The following LRP1B variants were observed in gnomAD, a reference collection of about 807,000 sequenced individuals.
LRP1B encodes the protein low-density lipoprotein receptor-related protein 1B.
Under a neutral mutation model 556.6 loss-of-function variants are expected in LRP1B, and 217 were observed. The observed-to-expected ratio is 0.39, with a 90% CI of 0.35 to 0.44. The LOEUF (loss-of-function observed/expected upper bound fraction) is 0.44. LRP1B is among the 20% of genes least tolerant of loss of function. The pLI is 1.00. For missense variants in LRP1B, 5,053 were observed against 5,620.8 expected, an observed-to-expected ratio of 0.90 and a Z score of 3.23; for synonymous variants, 2,047 against 1,865.8, an observed-to-expected ratio of 1.10 and a Z score of -2.50.
intron 1 of LRP1B, among the ~76,000 whole-genome samples, chr2:141,960,541 A>G (rs1043076881): frequency 6.6e-6 from 1 of 151,868 alleles, no homozygotes; most frequent in Non-Finnish European, 1.5e-5. Context: ...CAAAGCATAA[A>G]TGTTTTTCAA....
At chr2:140,269,954 G>A (rs932243085) in intron 86 of LRP1B, among the ~76,000 whole-genome samples, 1 of 151,882 alleles carries the variant, frequency 6.6e-6, no homozygotes, top group Non-Finnish European at 1.5e-5. Context: ...TCAGAATCAG[G>A]TCAATAAAAT....
intron 69 of LRP1B, 120 bp from the exon 70 acceptor site, chr2:140,371,405 T>A (rs1158926602): frequency 1.6e-5 from 7 of 450,408 alleles, no homozygotes; most frequent in Non-Finnish European, 2.8e-5. Flanking sequence ...TTATACTATA[T>A]AACGACATTT....
At chr2:141,340,319 A>G (rs892280767) in intron 3 of LRP1B, among the ~76,000 whole-genome samples, 4 of 152,208 alleles carry the variant, frequency 2.6e-5, no homozygotes, top group Non-Finnish European at 4.4e-5. Context: ...GACTATATCA[A>G]TTCTTTTTCA....
intron 2 of LRP1B, among the ~76,000 whole-genome samples, chr2:141,792,647 T>C (rs543207795): frequency 1.3e-5 from 2 of 152,106 alleles, no homozygotes; most frequent in East Asian, 1.9e-4. Context: ...ATAAAATAAA[T>C]AGCACTTATT....
At chr2:140,927,708 C>CT (rs11441032) in intron 20 of LRP1B, among the ~76,000 whole-genome samples, 90,785 of 115,898 alleles carry the variant, frequency 0.78, 36,653 homozygotes, top group East Asian at 0.96. Context: ...ACGAGGAAGG[C>CT]TTTTTTTTTT....
chr2:141,108,400 G>A (rs1700665041), intron 7 of LRP1B, among the ~76,000 whole-genome samples: 1 of 129,220 alleles, frequency 7.7e-6, no homozygotes, highest in African/African-American at 2.9e-5. Context: ...CCAGGCTGGA[G>A]TGCAATGGCA....
chr2:141,469,195 GA>G (rs1435026799), intron 3 of LRP1B, among the ~76,000 whole-genome samples: 1 of 152,142 alleles, frequency 6.6e-6, no homozygotes, highest in African/African-American at 2.4e-5. Flanking sequence ...CAAAAGTTTG[GA>G]AATGTATAAT....
intron 1 of LRP1B, among the ~76,000 whole-genome samples, chr2:142,094,332 G>A (rs965628529): frequency 2.6e-5 from 4 of 152,000 alleles, no homozygotes; most frequent in African/African-American, 7.2e-5. Flanking sequence ...GTGTGAAGCT[G>A]GCTTTAATGT....
chr2:141,798,268 G>A (rs1695887260), intron 2 of LRP1B, among the ~76,000 whole-genome samples: 1 of 152,138 alleles, frequency 6.6e-6, no homozygotes, highest in Non-Finnish European at 1.5e-5. Flanking sequence ...GATAAATCCA[G>A]TGTATACAGG....
chr2:141,695,024 TG>T (rs1308048121), intron 2 of LRP1B, among the ~76,000 whole-genome samples: 2 of 152,080 alleles, frequency 1.3e-5, no homozygotes, highest in Admixed American at 1.3e-4. Flanking sequence ...TTAAAAATGA[TG>T]CTGGATTATT....
At chr2:141,466,345 C>A (rs1355356436) in intron 3 of LRP1B, among the ~76,000 whole-genome samples, 1 of 152,160 alleles carries the variant, frequency 6.6e-6, no homozygotes, top group Non-Finnish European at 1.5e-5. Context: ...CATAGTAGGA[C>A]TACAGCAGCT....
At chr2:141,178,171 G>A (rs1161884147) in intron 7 of LRP1B, among the ~76,000 whole-genome samples, 1 of 152,084 alleles carries the variant, frequency 6.6e-6, no homozygotes, top group African/African-American at 2.4e-5. Context: ...CAGAGCCCCA[G>A]GGGCAGGATA....
chr2:140,764,917 G>A (rs909727572), intron 35 of LRP1B, among the ~76,000 whole-genome samples: 6 of 152,174 alleles, frequency 3.9e-5, no homozygotes, highest in African/African-American at 1.4e-4. Flanking sequence ...ACTATGTGAT[G>A]GTGTAAAAAA....
intron 41 of LRP1B, among the ~76,000 whole-genome samples, chr2:140,666,333 A>T (rs1559042292): frequency 6.7e-6 from 1 of 148,832 alleles, no homozygotes; most frequent in Admixed American, 6.8e-5. Context: ...CACACACACC[A>T]CACAAATAAA....
At position 141,276,490 on chromosome 2, in the gene LRP1B, C is replaced by T. The variant is rs1044813157; in HGVS notation, c.344-21849G>A. 2.6e-5 allele frequency among the ~76,000 whole-genome samples: 4 copies of T among 152,010 alleles called. No individual in the cohort carries two copies. In the East Asian group the frequency reaches 5.8e-4, roughly 22 times the overall value. ...AGGCCCCAGTGTCTTTTGTTCCCTT[C>T]TTTGTGTCCATATGTACTCAATGTT... On this transcript the variant is annotated intron_variant, in intron 3 of 90. Coordinates refer to ENST00000389484, the MANE Select transcript of LRP1B (RefSeq NM_018557.3).
intron 51 of LRP1B, among the ~76,000 whole-genome samples, chr2:140,512,673 G>A (rs567013753): frequency 5.9e-5 from 9 of 152,146 alleles, no homozygotes; most frequent in African/African-American, 1.9e-4. Context: ...TTCAAAATGG[G>A]ACCCTTAATA....
intron 1 of LRP1B, among the ~76,000 whole-genome samples, chr2:141,940,120 A>G (rs1230530648): frequency 1.3e-5 from 2 of 152,170 alleles, no homozygotes; most frequent in Non-Finnish European, 2.9e-5. Context: ...CACAAATACT[A>G]CAATGATTAG....
rs532222173 is a variant in LRP1B, at chr2:141,870,501, C to T, written c.83-60100G>A. Reference sequence around the variant, plus strand: ...GCATATTTTTGAAAATTATTCATATCTGAAGGCAAGTAGATAAAAGTTATG... The same window carrying T: ...GCATATTTTTGAAAATTATTCATATTTGAAGGCAAGTAGATAAAAGTTATG... On this transcript the variant is annotated intron_variant, in intron 1 of 90. Transcript: ENST00000389484. 2.0e-5 allele frequency among the ~76,000 whole-genome samples: 3 copies of T among 152,062 alleles called. No individual in the cohort carries two copies. The South Asian group carries it at 6.2e-4, about 31-fold the overall frequency.
intron 42 of LRP1B, among the ~76,000 whole-genome samples, chr2:140,600,384 A>G (rs1278465692): frequency 6.6e-6 from 1 of 152,138 alleles, no homozygotes; most frequent in Non-Finnish European, 1.5e-5. Flanking sequence ...ATTTTCACAT[A>G]TAAGATGATG....
Sources: gnomAD v4.1 joint callset for allele counts (sites outside exome capture counted in the v4.1 genomes callset) on GRCh38, gnomAD v4.1.1 for gene constraint, MANE v1.5 for transcripts, NCBI Gene and HGNC (gene_info 2026-07-23, HGNC 2026-07-21) for gene names.